Variants in MAP3K13 observed in about 807,000 individuals in gnomAD.
The protein encoded by MAP3K13 is leucine zipper-bearing kinase.
MAP3K13 carries 52 observed loss-of-function variants against 104.0 expected under a neutral mutation model. That is an observed-to-expected ratio of 0.50 (90% CI 0.40 to 0.63). The LOEUF is 0.63. Among genes scored for constraint, MAP3K13 ranks in the 20% least tolerant of loss-of-function variants. MAP3K13 has a pLI of 0.00. For missense variants in MAP3K13, 914 were observed against 1,218.5 expected (o/e 0.75, Z 3.72); for synonymous variants, 394 against 442.2 (o/e 0.89, Z 1.37).
intron 1 of MAP3K13, among the ~76,000 whole-genome samples, chr3:185,424,655 T>A (rs1420085805): frequency 6.6e-6 from 1 of 152,182 alleles, no homozygotes; most frequent in Non-Finnish European, 1.5e-5. Flanking sequence ...ACAAACCAGA[T>A]TGCTGTTGTT....
chr3:185,354,611 G>C (rs548735595), intron 2 of MAP3K13, among the ~76,000 whole-genome samples: 6 of 149,906 alleles, frequency 4.0e-5, no homozygotes, highest in Non-Finnish European at 8.9e-5. Context: ...ATAAGTATGG[G>C]GGGGGGGCAG....
At chr3:185,448,835 T>A (rs1715732071) in intron 5 of MAP3K13, among the ~76,000 whole-genome samples, 1 of 152,218 alleles carries the variant, frequency 6.6e-6, no homozygotes, top group African/African-American at 2.4e-5. Flanking sequence ...CTTTTGTTCA[T>A]ATGTGTTACA....
At chr3:185,285,631 C>T in exon 2 of MAP3K13, 3 of 1,535,126 alleles carry the variant, frequency 2.0e-6, no homozygotes, top group Non-Finnish European at 2.6e-6. Flanking sequence ...CAAATCCTAG[C>T]ACTCTGGGAG....
At chr3:185,421,115 C>G (rs976363706) in intron 1 of MAP3K13, among the ~76,000 whole-genome samples, 1 of 152,210 alleles carries the variant, frequency 6.6e-6, no homozygotes, top group Admixed American at 6.5e-5. Context: ...ACCTCACCTA[C>G]AGACCTTCCC....
At chr3:185,398,294 A>C (rs1712545437) in intron 1 of MAP3K13, among the ~76,000 whole-genome samples, 1 of 152,170 alleles carries the variant, frequency 6.6e-6, no homozygotes, top group Admixed American at 6.5e-5. Flanking sequence ...GAAAATATTC[A>C]TTTAGGGTTT....
intron 4 of MAP3K13, among the ~76,000 whole-genome samples, chr3:185,445,321 A>G (rs2148894035): frequency 6.6e-6 from 1 of 152,328 alleles, no homozygotes; most frequent in African/African-American, 2.4e-5. Context: ...TATAAACTTC[A>G]AAACAGCTCT....
chr3:185,355,019 A>G (rs1723292515), intron 2 of MAP3K13, among the ~76,000 whole-genome samples: 1 of 152,164 alleles, frequency 6.6e-6, no homozygotes, highest in Non-Finnish European at 1.5e-5. Flanking sequence ...ATTTTCTCAC[A>G]AGTAAAATGG....
At position 185,482,498 on chromosome 3, in the gene MAP3K13, A is replaced by G; in HGVS notation, c.*42A>G. 6.9e-7 allele frequency: 1 copy of G among 1,445,994 alleles called. No homozygotes were observed. The highest frequency in any genetic ancestry group is 9.7e-7 in the Non-Finnish European group (1 of 1,029,114). 89.6% of individuals were successfully genotyped at this position (1,445,994 alleles called of 1,614,324 possible). On this transcript the variant is annotated 3_prime_UTR_variant, in exon 14 of 14. Coordinates refer to ENST00000265026, the MANE Select transcript of MAP3K13 (RefSeq NM_004721.5). This position sits in a 1 kb window ranked among gnomAD's most constrained non-coding sequence, Gnocchi z 4.5. ...CTGAAGATCTCGTGACTATACTGGC[A>G]TTTCAGATCCACCCCACCCCCAGAC...
chr3:185,292,005 T>G, intron 2 of MAP3K13: 5 of 1,013,472 alleles, frequency 4.9e-6, no homozygotes, highest in Non-Finnish European at 5.9e-6. Flanking sequence ...TCATATCCTA[T>G]AAAAAGTTGA....
chr3:185,451,677 G>T, intron 7 of MAP3K13: 1 of 290,110 alleles, frequency 3.4e-6, no homozygotes, highest in South Asian at 4.3e-5. Flanking sequence ...GACCAGCCTG[G>T]CCAACATGGA....
At chr3:185,322,678 G>T (rs1721908305) in intron 2 of MAP3K13, among the ~76,000 whole-genome samples, 1 of 152,088 alleles carries the variant, frequency 6.6e-6, no homozygotes, top group Non-Finnish European at 1.5e-5. Flanking sequence ...TTCACACTTT[G>T]CCTTTATAAA....
chr3:185,415,895 C>G (rs1204408328), intron 1 of MAP3K13, among the ~76,000 whole-genome samples: 1 of 152,038 alleles, frequency 6.6e-6, no homozygotes, highest in African/African-American at 2.4e-5. Context: ...TTTTTTTCTC[C>G]CAAATACTAC....
intron 2 of MAP3K13, among the ~76,000 whole-genome samples, chr3:185,314,552 G>T (rs1721608253): frequency 6.6e-6 from 1 of 151,118 alleles, no homozygotes; most frequent in Admixed American, 6.6e-5. Context: ...GGAGGCGGAG[G>T]TTGCAGTGAG....
At position 185,451,404 on chromosome 3, in the gene MAP3K13, G is replaced by A. The variant is rs141811820; in HGVS notation, c.1278+9G>A. On this transcript the variant is annotated intron_variant, in intron 7 of 13. Transcript: ENST00000265026. ...CTTACTTCAAGTCTCAGGTAAGTTG[G>A]GAAACTTCCTACCAGGTGCTACTAA... is the stretch of plus-strand genomic sequence containing the variant. The A allele has an allele frequency of 1.4e-3, 2,172 of 1,587,188 alleles. 26 individuals are homozygous for A. The African/African-American group carries it at 0.023, about 17-fold the overall frequency.
At chr3:185,451,266 A>G (rs1268124648) in intron 6 of MAP3K13, 21 bp from the exon 7 acceptor site, 6 of 1,549,558 alleles carry the variant, frequency 3.9e-6, no homozygotes, top group Non-Finnish European at 5.3e-6. Context: ...GAAATGCACA[A>G]ACTGTCTTTT....
rs9862779 is a variant in MAP3K13, at chr3:185,468,956, G to A, written c.1643+1993G>A. 5.6e-3 allele frequency among the ~76,000 whole-genome samples: 854 copies of A among 152,332 alleles called. 12 individuals carry two copies. Among genetic ancestry groups the A allele is most frequent in the African/African-American group, 0.019 (775 of 41,566 alleles). On this transcript the variant is annotated intron_variant, in intron 10 of 13. Transcript: ENST00000265026. ...TTAGCTTTTTCAAATATGAGCTCAT[G>A]TTTGCTTTTATTTTGGCTATGAGAA...
chr3:185,468,157 C>T (rs1051685946), intron 10 of MAP3K13, among the ~76,000 whole-genome samples: 43 of 152,062 alleles, frequency 2.8e-4, no homozygotes, highest in East Asian at 1.9e-4. Context: ...GATTACAATC[C>T]GACATGAGAT....
intron 2 of MAP3K13, among the ~76,000 whole-genome samples, chr3:185,325,694 G>C (rs1722022447): frequency 6.6e-6 from 1 of 152,192 alleles, no homozygotes; most frequent in Non-Finnish European, 1.5e-5. Context: ...CCAGCTTCCT[G>C]TCAGGTTCAA....
intron 7 of MAP3K13, among the ~76,000 whole-genome samples, chr3:185,457,630 G>A (rs533152398): frequency 6.6e-6 from 1 of 152,292 alleles, no homozygotes; most frequent in South Asian, 2.1e-4. Flanking sequence ...TAAGATTTCA[G>A]CATATGAATT....
Sources: allele counts gnomAD v4.1 joint callset (sites outside exome capture counted in the v4.1 genomes callset), GRCh38; gene constraint gnomAD v4.1.1; non-coding constraint Gnocchi (gnomAD v3.1); transcripts MANE v1.5; gene names NCBI Gene and HGNC (gene_info 2026-07-23, HGNC 2026-07-21).